Variants in PCNX2 observed in about 807,000 individuals in gnomAD.
PCNX2 encodes the protein pecanex-like protein 2.
A neutral mutation model predicts 223.8 loss-of-function variants in PCNX2; 168 were observed. The observed-to-expected ratio is 0.75, with a 90% confidence interval of 0.66 to 0.85. The LOEUF (loss-of-function observed/expected upper bound fraction) is 0.85, where lower values mean the gene tolerates loss of function less well. PCNX2 is among the 40% of genes least tolerant of loss of function. The pLI, the probability that PCNX2 is intolerant of heterozygous loss-of-function variation, is 0.00. For missense variants in PCNX2, 2,507 were observed against 2,675.5 expected (o/e 0.94, Z 1.39); for synonymous variants, 1,006 against 1,052.6 (o/e 0.96, Z 0.86).
rs770837524 is a variant in PCNX2, at chr1:233,259,096, A to G, written c.766T>C (p.Leu256=). ...TACTGAGACAAAGACAGGTGGGGCAACTTCTTCAAGGGTCCCTTATCCACT... is the reference window on the plus strand; with the variant it reads ...TACTGAGACAAAGACAGGTGGGGCAGCTTCTTCAAGGGTCCCTTATCCACT... ...GLVDKGPLKK[L]PHLSLSQYDL... Residue 256 remains leucine (L), a synonymous_variant, in exon 5 of 34, where the codon TTG becomes CTG. Coordinates refer to ENST00000258229, the MANE Select transcript of PCNX2 (RefSeq NM_014801.4). The G allele has an allele frequency of 6.2e-7, 1 of 1,613,970 alleles. No individual in the cohort carries two copies. The highest frequency in any genetic ancestry group is 8.5e-7 in the Non-Finnish European group (1 of 1,179,870).
chr1:232,989,611 C>G (rs1669624818), intron 32 of PCNX2, among the ~76,000 whole-genome samples: 1 of 152,150 alleles, frequency 6.6e-6, no homozygotes, highest in Non-Finnish European at 1.5e-5. Context: ...GTCCTCTCCA[C>G]TATGTGCCCT....
Position 232,986,411 on chromosome 1 carries a change from T to A in PCNX2, c.5921A>T (p.His1974Leu), listed in dbSNP as rs377068881. 5.6e-6 allele frequency: 9 copies of A among 1,605,540 alleles called. No individual in the cohort carries two copies. In the African/African-American group the frequency reaches 1.1e-4, roughly 19 times the overall value. The change falls in exon 33 of 34, where the codon CAC becomes CTC. Residue 1974 changes from histidine to leucine, a missense_variant. Coordinates refer to ENST00000258229, the MANE Select transcript of PCNX2 (RefSeq NM_014801.4). ...GCCCGAGAGCCTCTGGGCCAGCTCG[T>A]GCACTGAGGTGGACGTCTGGAGGAA... ...QTFLQTSTSV[H>L]ELAQRLSGSR...
chr1:233,167,787 T>C (rs902440120), intron 17 of PCNX2: 7 of 984,522 alleles, frequency 7.1e-6, no homozygotes, highest in Middle Eastern at 5.2e-4. Context: ...AAAGCAGCCT[T>C]TAATAAGCTC....
At chr1:233,267,334 CA>C (rs910624332) in intron 1 of PCNX2, among the ~76,000 whole-genome samples, 1 of 150,934 alleles carries the variant, frequency 6.6e-6, no homozygotes, top group African/African-American at 2.4e-5. Flanking sequence ...AAAAAACAAA[CA>C]AAAAAAAACT....
chr1:233,320,215 A>G, the PCNX2 span, among the ~76,000 whole-genome samples: 1 of 152,202 alleles, frequency 6.6e-6, no homozygotes. Context: ...GATTTTCTCC[A>G]ATGGAATTAT....
intron 1 of PCNX2, among the ~76,000 whole-genome samples, chr1:233,284,717 A>G (rs947642726): frequency 6.6e-5 from 10 of 152,166 alleles, no homozygotes; most frequent in African/African-American, 2.4e-4. Flanking sequence ...AAACATGTCC[A>G]GTTAGTCTCT....
At chr1:233,032,249 C>T (rs1186910213) in intron 25 of PCNX2, among the ~76,000 whole-genome samples, 9 of 152,014 alleles carry the variant, frequency 5.9e-5, no homozygotes, top group East Asian at 3.9e-4. Flanking sequence ...ATTGCAGGCA[C>T]GCGCCACCAC....
chr1:233,157,668 A>G (rs1384296824), intron 19 of PCNX2, among the ~76,000 whole-genome samples: 1 of 152,202 alleles, frequency 6.6e-6, no homozygotes, highest in African/African-American at 2.4e-5. Context: ...GCTGGTGGAA[A>G]AAAAATGAAG....
rs796246226 is a variant in PCNX2, at chr1:233,205,844, T to G, written c.2863+2674A>C. On this transcript the variant is annotated intron_variant, in intron 13 of 33. Coordinates refer to ENST00000258229, the MANE Select transcript of PCNX2 (RefSeq NM_014801.4). ...AGCATGCAGGGTCTCTGCTTTGCCT[T>G]TTCTGAGCGAATAAGCTAGTGAGAG... 5.3e-5 allele frequency among the ~76,000 whole-genome samples: 8 copies of G among 152,322 alleles called. No individual in the cohort carries two copies. The South Asian group carries it at 8.3e-4, about 16-fold the overall frequency.
rs563879696 is a variant in PCNX2 at position 233,184,865 on chromosome 1, AAGG to A, written c.3067-5693_3067-5691del. On this transcript the variant is annotated intron_variant, in intron 15 of 33. Coordinates refer to ENST00000258229, the MANE Select transcript of PCNX2 (RefSeq NM_014801.4). ...AGAAAAGGGTGGGATACAAGGTGTT[AAGG>A]AGTCCATATTCCAGGTGCTAATTTT... Among the ~76,000 whole-genome samples the A allele has an allele frequency of 3.8e-3, 573 of 152,202 alleles. 3 individuals carry two copies. The highest frequency in any genetic ancestry group is 0.013 in the African/African-American group (547 of 41,514).
At chr1:233,005,144 C>G (rs3766491) in intron 28 of PCNX2, among the ~76,000 whole-genome samples, 3 of 152,136 alleles carry the variant, frequency 2.0e-5, no homozygotes, top group South Asian at 2.1e-4. Context: ...AATGAGAGAG[C>G]TAACTCCTGA....
intron 26 of PCNX2, among the ~76,000 whole-genome samples, chr1:233,020,126 T>G (rs1295380084): frequency 6.6e-6 from 1 of 152,220 alleles, no homozygotes; most frequent in Non-Finnish European, 1.5e-5. Context: ...GAAGTCAGAA[T>G]AGTCAATGAG....
intron 25 of PCNX2, among the ~76,000 whole-genome samples, chr1:233,031,154 T>C (rs987944924): frequency 2.0e-5 from 3 of 152,238 alleles, no homozygotes; most frequent in African/African-American, 7.2e-5. Context: ...TGAAAAGTAT[T>C]GATTAATGTA....
chr1:233,314,639 C>G, the PCNX2 span, among the ~76,000 whole-genome samples: 2 of 151,860 alleles, frequency 1.3e-5, no homozygotes, highest in African/African-American at 4.8e-5. Context: ...GAAGGAGAAT[C>G]AATATTCTGT....
At chr1:233,190,675 C>G (rs925477864) in intron 15 of PCNX2, among the ~76,000 whole-genome samples, 4 of 152,162 alleles carry the variant, frequency 2.6e-5, no homozygotes, top group African/African-American at 9.7e-5. Context: ...TTCAACTGGT[C>G]AAAGCCTGTT....
intron 23 of PCNX2, chr1:233,089,724 G>A (rs1472247916): frequency 6.7e-6 from 2 of 297,082 alleles, no homozygotes; most frequent in Admixed American, 5.5e-5. Flanking sequence ...GCCATCCAGG[G>A]GCCATCTTGG....
chr1:233,066,085 G>C (rs576349940), intron 23 of PCNX2, among the ~76,000 whole-genome samples: 82 of 152,238 alleles, frequency 5.4e-4, no homozygotes, highest in African/African-American at 1.9e-3. Context: ...CCCACCTTTG[G>C]GTAGGGGGTA....
At chr1:233,264,115 A>C (rs998279185) in intron 1 of PCNX2, among the ~76,000 whole-genome samples, 1 of 152,104 alleles carries the variant, frequency 6.6e-6, no homozygotes, top group Admixed American at 6.5e-5. Flanking sequence ...CAAGAAACAA[A>C]ACGAAAAGAA....
intron 28 of PCNX2, among the ~76,000 whole-genome samples, chr1:233,010,179 G>A (rs1157365968): frequency 6.6e-6 from 1 of 152,216 alleles, no homozygotes; most frequent in Non-Finnish European, 1.5e-5. Flanking sequence ...CTCATCTCCA[G>A]TGGAAGCTCA....
Sources: allele counts gnomAD v4.1 joint callset (sites outside exome capture counted in the v4.1 genomes callset), GRCh38; gene constraint gnomAD v4.1.1; transcripts MANE v1.5; gene names NCBI Gene and HGNC (gene_info 2026-07-23, HGNC 2026-07-21).